MINDY1: variants seen among roughly 807,000 people sequenced by gnomAD.
MINDY1 encodes ubiquitin carboxyl-terminal hydrolase MINDY-1.
In MINDY1, 50 loss-of-function variants were observed where a neutral mutation model predicts 53.6. The ratio of observed to expected loss-of-function variants is 0.93; its 90% CI spans 0.74 to 1.18. The LOEUF (loss-of-function observed/expected upper bound fraction) is 1.18, where lower values mean the gene tolerates loss of function less well. Ranked by LOEUF, MINDY1 falls within the 50% of genes most tolerant of loss-of-function variation. The pLI is 0.00. For missense variants in MINDY1, 484 were observed against 578.6 expected, an observed-to-expected ratio of 0.84 and a Z score of 1.68; for synonymous variants, 231 against 234.7, an observed-to-expected ratio of 0.98 and a Z score of 0.14.
In MINDY1 at chr1:151,000,365, C is replaced by A. The variant is rs181181549; in HGVS notation, c.735+92G>T. On this transcript the variant is annotated intron_variant, in intron 5 of 9. Coordinates refer to ENST00000683666, the MANE Select transcript of MINDY1 (RefSeq NM_001376665.1). ...CTATTTCCCTCCCAAGCCAATCTAA[C>A]CCCTAACTCCCTAACCTCTACCCGA... 4 of 1,344,978 alleles carry A rather than the reference C, an allele frequency of 3.0e-6. No homozygotes were observed. In the East Asian group the frequency reaches 9.4e-5, roughly 32 times the overall value. The allele number at this position is 1,344,978 out of a possible 1,614,324, so 83.3% of individuals were successfully genotyped here. A position where few individuals can be genotyped will look rare whatever the true frequency, so the allele number is the denominator to read the frequency against.
chr1:151,006,761 G>T lies in MINDY1; in HGVS notation c.-539C>A, dbSNP rs964418216. On this transcript the variant is annotated 5_prime_UTR_variant, in exon 1 of 10. Coordinates refer to ENST00000683666, the MANE Select transcript of MINDY1 (RefSeq NM_001376665.1). ...AGGAGGAGGGGCCTGCCCAGCGCTGGTGGATTTCCATCAGGACTTTCTGAC... is the reference window on the plus strand; with the variant it reads ...AGGAGGAGGGGCCTGCCCAGCGCTGTTGGATTTCCATCAGGACTTTCTGAC... 1 of 985,628 alleles carries T rather than the reference G, an allele frequency of 1.0e-6. No individual in the cohort carries two copies. Among genetic ancestry groups the T allele is most frequent in the Non-Finnish European group, 1.2e-6 (1 of 830,080 alleles). 61.1% of individuals were successfully genotyped at this position (985,628 alleles called of 1,614,324 possible).
intron 8 of MINDY1, 97 bp from the exon 9 acceptor site, chr1:150,997,876 C>G (rs1162284283): frequency 1.5e-6 from 2 of 1,340,640 alleles, no homozygotes; most frequent in Non-Finnish European, 2.0e-6. Flanking sequence ...CTCAAATTCT[C>G]TAGCTCTTTC....
chr1:151,006,259 A>C, intron 1 of MINDY1, 53 bp downstream of exon 1: 1 of 1,496,470 alleles, frequency 6.7e-7, no homozygotes, highest in Non-Finnish European at 8.9e-7. Flanking sequence ...TGGAGAGGAA[A>C]TAGAGAAGGG....
rs1288742632 is a variant in MINDY1, at chr1:150,998,081, C to T, written c.1173+1G>A. On this transcript the variant is annotated splice_donor_variant, in intron 8 of 9. Coordinates refer to ENST00000683666, the MANE Select transcript of MINDY1 (RefSeq NM_001376665.1). LOFTEE classifies it high-confidence loss of function. ...GCACTTTTCCTAAGTGCCCTACACA[C>T]CTGGTCTACCTGCAGCTGCGTTTCT... is the stretch of plus-strand genomic sequence containing the variant. 2 of 1,608,830 alleles carry T rather than the reference C, an allele frequency of 1.2e-6. No individual in the cohort carries two copies.
chr1:150,997,437 G>A, intron 9 of MINDY1, 70 bp from the exon 10 acceptor site: 1 of 1,550,668 alleles, frequency 6.4e-7, no homozygotes, highest in Non-Finnish European at 8.8e-7. Flanking sequence ...TAGAAGAAGG[G>A]GTGTCAGGAT....
upstream of MINDY1, among the ~76,000 whole-genome samples, chr1:151,007,936 G>C (rs1466968471): frequency 6.6e-6 from 1 of 152,158 alleles, no homozygotes; most frequent in African/African-American, 2.4e-5. Context: ...GATATTTGCC[G>C]AGGCTGTAGA....
rs1226195575 is a variant in MINDY1, at chr1:150,997,262, A to C, written c.*25T>G. On this transcript the variant is annotated 3_prime_UTR_variant, in exon 10 of 10. Coordinates refer to ENST00000683666, the MANE Select transcript of MINDY1 (RefSeq NM_001376665.1). ...AGCCATAGCCTCTGGAAGAAGGGGCAGGCCAGCCTGGCACTGGGGCAGAGC... is the reference window on the plus strand; with the variant it reads ...AGCCATAGCCTCTGGAAGAAGGGGCCGGCCAGCCTGGCACTGGGGCAGAGC... 5.1e-6 allele frequency: 8 copies of C among 1,568,378 alleles called. No homozygotes were observed. The highest frequency in any genetic ancestry group is 6.9e-6 in the Non-Finnish European group (8 of 1,154,734).
intron 1 of MINDY1, among the ~76,000 whole-genome samples, chr1:151,004,780 ATAAAATAAAT>A (rs1672982724): frequency 5.5e-5 from 4 of 73,010 alleles, no homozygotes; most frequent in South Asian, 4.4e-4. Context: ...ATAAAATAAA[ATAAAATAAAT>A]TAAACTAGTT....
At chr1:151,004,372 C>T (rs1295824644) in intron 1 of MINDY1, among the ~76,000 whole-genome samples, 1 of 152,178 alleles carries the variant, frequency 6.6e-6, no homozygotes, top group Non-Finnish European at 1.5e-5. Context: ...CTTTGGAAAA[C>T]ATCTCCCTTC....
At chr1:151,004,359 G>C (rs947819987) in intron 1 of MINDY1, among the ~76,000 whole-genome samples, 1 of 152,128 alleles carries the variant, frequency 6.6e-6, no homozygotes, top group Non-Finnish European at 1.5e-5. Context: ...CACAAATCCT[G>C]CCCTTTGGAA....
Sources: allele counts gnomAD v4.1 joint callset (sites outside exome capture counted in the v4.1 genomes callset), GRCh38; gene constraint gnomAD v4.1.1; transcripts MANE v1.5; gene names NCBI Gene and HGNC (gene_info 2026-07-23, HGNC 2026-07-21).